Variants in STAT5B observed in about 807,000 individuals in gnomAD.
STAT5B encodes the protein signal transducer and activator of transcription 5B.
In STAT5B, 21 loss-of-function variants were observed where a neutral mutation model predicts 107.8. That is an observed-to-expected ratio of 0.19 (90% CI 0.14 to 0.28). The LOEUF (loss-of-function observed/expected upper bound fraction) is 0.28. Among genes scored for constraint, STAT5B ranks in the 10% least tolerant of loss-of-function variants. STAT5B has a pLI of 1.00. For missense variants in STAT5B, 565 were observed against 1,008.2 expected, an observed-to-expected ratio of 0.56 and a Z score of 5.95; for synonymous variants, 325 against 401.7, an observed-to-expected ratio of 0.81 and a Z score of 2.28.
chr17:42,206,829 C>A (rs960624579), intron 16 of STAT5B, among the ~76,000 whole-genome samples: 3 of 150,988 alleles, frequency 2.0e-5, no homozygotes, highest in African/African-American at 7.3e-5. Flanking sequence ...CCTGCCTCAG[C>A]CTCCCAAAGT....
chr17:42,206,789 G>A (rs1369972984), intron 16 of STAT5B, among the ~76,000 whole-genome samples: 1 of 151,584 alleles, frequency 6.6e-6, no homozygotes, highest in Non-Finnish European at 1.5e-5. Context: ...TGGTCAGGCT[G>A]GTCTTGAACT....
chr17:42,224,985 T>A, intron 3 of STAT5B, 117 bp from the exon 4 acceptor site: 1 of 929,300 alleles, frequency 1.1e-6, no homozygotes, highest in Non-Finnish European at 1.7e-6. Context: ...GCACTGTTCC[T>A]CCAATACCAA....
chr17:42,269,555 C>G (rs1051460620), intron 1 of STAT5B: 1 of 152,132 alleles, frequency 6.6e-6, no homozygotes, highest in Non-Finnish European at 1.5e-5. Context: ...TTATAGATAC[C>G]TCACATTAAG....
intron 2 of STAT5B, 109 bp from the exon 3 acceptor site, chr17:42,227,794 C>A: frequency 1.7e-6 from 2 of 1,176,988 alleles, no homozygotes; most frequent in Non-Finnish European, 2.4e-6. Context: ...GTTTTTAATC[C>A]TCACTGCAAA....
intron 1 of STAT5B, chr17:42,271,675 G>A (rs2080723231): frequency 6.6e-6 from 1 of 152,140 alleles, no homozygotes; most frequent in Admixed American, 6.5e-5. Context: ...AAAGTAGGTA[G>A]AAAAAGATAA....
At chr17:42,203,052 G>A (rs917569218) in intron 16 of STAT5B, 17 of 532,936 alleles carry the variant, frequency 3.2e-5, no homozygotes, top group Admixed American at 2.7e-4. Context: ...AAATGATTCC[G>A]ATGCCTCAGC....
chr17:42,243,913 G>GC (rs879362209), intron 1 of STAT5B, among the ~76,000 whole-genome samples: 53,635 of 151,594 alleles, frequency 0.35, 10,563 homozygotes, highest in African/African-American at 0.53. Flanking sequence ...AATCCATGGA[G>GC]ATAATGGATT....
chr17:42,244,059 T>TTACC (rs1052053855), intron 1 of STAT5B, among the ~76,000 whole-genome samples: 2 of 151,762 alleles, frequency 1.3e-5, no homozygotes, highest in Non-Finnish European at 2.9e-5. Flanking sequence ...TAGTCCTATC[T>TTACC]TACCTTCAGA....
At chr17:42,227,050 G>A (rs926567936) in intron 3 of STAT5B, among the ~76,000 whole-genome samples, 7 of 146,732 alleles carry the variant, frequency 4.8e-5, no homozygotes, top group African/African-American at 1.3e-4. Context: ...CAGAAGAATC[G>A]CTTGAACCCG....
At chr17:42,219,927 C>T (rs2080209990) in intron 5 of STAT5B, 85 bp from the exon 6 acceptor site, 3 of 1,597,718 alleles carry the variant, frequency 1.9e-6, no homozygotes, top group South Asian at 1.1e-5. Context: ...CGTTCTGGAG[C>T]GAGACCCTCC....
chr17:42,224,464 C>T (rs1173764129), intron 4 of STAT5B, among the ~76,000 whole-genome samples: 1 of 151,720 alleles, frequency 6.6e-6, no homozygotes, highest in Non-Finnish European at 1.5e-5. Context: ...TTCAGGTTTT[C>T]GAACAGCCAG....
intron 5 of STAT5B, among the ~76,000 whole-genome samples, 197 bp from the exon 6 acceptor site, chr17:42,220,039 GCCT>G (rs1163059000): frequency 6.6e-6 from 1 of 152,214 alleles, no homozygotes; most frequent in African/African-American, 2.4e-5. Context: ...CTGCTCGCCA[GCCT>G]CCTGACTCTG....
rs2080190307 is a variant in STAT5B, at chr17:42,218,220, G to A, written c.1100C>T (p.Pro367Leu). 3.7e-6 allele frequency: 6 copies of A among 1,614,068 alleles called. No homozygotes were observed. Among genetic ancestry groups the A allele is most frequent in the Non-Finnish European group, 5.1e-6 (6 of 1,180,032 alleles). Residue 367 changes from proline (P) to leucine (L), a missense_variant, in exon 9 of 19, where the codon CCC (proline) becomes CTC (leucine). Pro to Leu is a moderately conservative substitution (Grantham distance 98). Around this residue, in one of 11 missense-constraint regions of STAT5B, gnomAD observed 70 missense variants for 73.2 expected, o/e 0.96. Transcript: ENST00000293328. ...GGKLNVHMNP[P>L]QVKATIISEQ... ...ACTGATGATGGTGGCCTTCACCTGG[G>A]GGGGGTTCATGTGCACGTTCAGCTT...
chr17:42,266,067 G>A (rs1371405044), intron 1 of STAT5B, among the ~76,000 whole-genome samples: 1 of 151,994 alleles, frequency 6.6e-6, no homozygotes, highest in Admixed American at 6.6e-5. Flanking sequence ...GCATAAAGAA[G>A]TTTTAAATAT....
chr17:42,217,740 G>A (rs2144243486), intron 9 of STAT5B: 2 of 481,820 alleles, frequency 4.2e-6, no homozygotes, highest in Non-Finnish European at 7.5e-6. Context: ...CCAGGCTGGA[G>A]TGCAGTGGCG....
chr17:42,253,034 T>A (rs113921694), intron 1 of STAT5B, among the ~76,000 whole-genome samples: 59 of 152,366 alleles, frequency 3.9e-4, no homozygotes, highest in African/African-American at 1.3e-3. Context: ...ATGATGAGGT[T>A]CTATACCCAG....
chr17:42,216,379 C>A (rs1220767695), intron 11 of STAT5B, among the ~76,000 whole-genome samples: 1 of 152,124 alleles, frequency 6.6e-6, no homozygotes, highest in Non-Finnish European at 1.5e-5. Flanking sequence ...AGAGAAAAGA[C>A]TATTGGAGAT....
chr17:42,225,286 C>T (rs1160550756), intron 3 of STAT5B, among the ~76,000 whole-genome samples: 1 of 152,116 alleles, frequency 6.6e-6, no homozygotes, highest in African/African-American at 2.4e-5. Flanking sequence ...AACTCCTGAC[C>T]TCAGGTGATC....
intron 1 of STAT5B, chr17:42,271,558 A>G (rs2080722271): frequency 6.8e-6 from 1 of 147,994 alleles, no homozygotes; most frequent in Non-Finnish European, 1.5e-5. Flanking sequence ...ACTTCTCTTC[A>G]TATTAGAAAA....
Sources: allele counts gnomAD v4.1 joint callset (sites outside exome capture counted in the v4.1 genomes callset), GRCh38; gene constraint gnomAD v4.1.1; regional missense constraint gnomAD v4.1.1; transcripts MANE v1.5; gene names NCBI Gene and HGNC (gene_info 2026-07-23, HGNC 2026-07-21).